LYRM2: variants seen among roughly 807,000 people sequenced by gnomAD.
LYRM2 encodes the protein LYR motif containing 2.
A neutral mutation model predicts 11.6 loss-of-function variants in LYRM2; 8 were observed. The ratio of observed to expected loss-of-function variants is 0.69; its 90% CI spans 0.40 to 1.24. LYRM2 has a LOEUF of 1.24. LYRM2 is among the 50% of genes most tolerant of loss of function. The pLI is 0.01. For synonymous variants in LYRM2, 30 were observed against 36.4 expected, an observed-to-expected ratio of 0.83 and a Z score of 0.63; for missense variants, 117 against 102.9, an observed-to-expected ratio of 1.14 and a Z score of -0.59.
Position 89,633,482 on chromosome 6 carries a change from T to C in LYRM2, c.*3791A>G, listed in dbSNP as rs1807804659. The C allele has an allele frequency of 6.6e-6, 1 of 152,238 alleles. No individual in the cohort carries two copies. The highest frequency in any genetic ancestry group is 2.4e-5 in the African/African-American group (1 of 41,448). 9.4% of individuals were successfully genotyped at this position (152,238 alleles called of 1,614,324 possible). ...ACTATTGACAACTTATAGCCTGTCA[T>C]GCAGGTCATGTTTCAAATCAAGGCT... On this transcript the variant is annotated 3_prime_UTR_variant, in exon 3 of 3. Coordinates refer to ENST00000523377, the MANE Select transcript of LYRM2 (RefSeq NM_020466.5).
chr6:89,638,348 A>C, intron 1 of LYRM2: 1 of 1,247,556 alleles, frequency 8.0e-7, no homozygotes. Flanking sequence ...ACAGTTGTTC[A>C]AATCTTTGGT....
chr6:89,638,030 GC>G, intron 1 of LYRM2, 148 bp from the exon 2 acceptor site: 1 of 888,406 alleles, frequency 1.1e-6, no homozygotes, highest in Non-Finnish European at 1.7e-6. Context: ...TCTTTTTTTG[GC>G]CAGATGCAGT....
chr6:89,636,680 G>GCTTTTTTTTTTTTTT lies in LYRM2; in HGVS notation c.*592_*593insAAAAAAAAAAAAAAG, dbSNP rs1275271207. Reference sequence around the variant, plus strand: ...TCTAGTGAATGTGAATCTCAGGGTTGTTTTTTTTTTTTTTTTTTAGAGACT... The same window carrying GCTTTTTTTTTTTTTT: ...TCTAGTGAATGTGAATCTCAGGGTTGCTTTTTTTTTTTTTTTTTTTTTTTTTTTTTTTTAGAGACT... On this transcript the variant is annotated 3_prime_UTR_variant, in exon 3 of 3. Transcript: ENST00000523377. 4.6e-5 allele frequency: 6 copies of GCTTTTTTTTTTTTTT among 129,504 alleles called. 1 individual carries two copies. The highest frequency in any genetic ancestry group is 3.3e-5 in the Non-Finnish European group (2 of 60,946). 8.0% of individuals were successfully genotyped at this position (129,504 alleles called of 1,614,324 possible).
chr6:89,632,731 A>G lies in LYRM2; in HGVS notation c.*4542T>C, dbSNP rs1807654739. 6.6e-6 allele frequency: 1 copy of G among 152,214 alleles called. No individual in the cohort carries two copies. The highest frequency in any genetic ancestry group is 1.5e-5 in the Non-Finnish European group (1 of 68,036). 9.4% of individuals were successfully genotyped at this position (152,214 alleles called of 1,614,324 possible). A position where few individuals can be genotyped will look rare whatever the true frequency, so the allele number is the denominator to read the frequency against. On this transcript the variant is annotated 3_prime_UTR_variant, in exon 3 of 3. Coordinates refer to ENST00000523377, the MANE Select transcript of LYRM2 (RefSeq NM_020466.5). ...CCCCAGAGACTCATTAGATTGCAATATAGAGGCACTTTCTCATTTCCCTAT... is the reference window on the plus strand; with the variant it reads ...CCCCAGAGACTCATTAGATTGCAATGTAGAGGCACTTTCTCATTTCCCTAT...
At chr6:89,638,499 C>T (rs747933248) in intron 1 of LYRM2, 173 bp downstream of exon 1, 6 of 1,523,656 alleles carry the variant, frequency 3.9e-6, no homozygotes, top group Admixed American at 2.1e-5. Context: ...GCAGCCAGTG[C>T]CTCCCGTCAG....
chr6:89,636,005 TCTATCAAA>T lies in LYRM2; in HGVS notation c.*1260_*1267del, dbSNP rs1294219059. On this transcript the variant is annotated 3_prime_UTR_variant, in exon 3 of 3. Coordinates refer to ENST00000523377, the MANE Select transcript of LYRM2 (RefSeq NM_020466.5). ...CAGTGGTGATCTTTTTGATGAGTTCTCTATCAAACTATGACACATCTGAAGAACGTACC... is the reference window on the plus strand; with the variant it reads ...CAGTGGTGATCTTTTTGATGAGTTCTCTATGACACATCTGAAGAACGTACC... 5.8e-6 allele frequency: 1 copy of T among 173,272 alleles called. No individual in the cohort carries two copies. Among genetic ancestry groups the T allele is most frequent in the Non-Finnish European group, 1.3e-5 (1 of 77,794 alleles). 10.7% of individuals were successfully genotyped at this position (173,272 alleles called of 1,614,324 possible). A position where few individuals can be genotyped will look rare whatever the true frequency, so the allele number is the denominator to read the frequency against.
At position 89,634,799 on chromosome 6, in the gene LYRM2, T is replaced by A. The variant is rs1464393860; in HGVS notation, c.*2474A>T. On this transcript the variant is annotated 3_prime_UTR_variant, in exon 3 of 3. Transcript: ENST00000523377. ...CTTCTAACTTGATGGCACTTTTTTA[T>A]TTTTTTTGAGACAAGAGTCTCACTC... 1.3e-5 allele frequency: 2 copies of A among 152,004 alleles called. No homozygotes were observed. The highest frequency in any genetic ancestry group is 2.4e-5 in the African/African-American group (1 of 41,398). The allele number at this position is 152,004 out of a possible 1,614,324, so 9.4% of individuals were successfully genotyped here.
In LYRM2 at chr6:89,632,366, GA is replaced by G. The variant is rs1807572773; in HGVS notation, c.*4906del. The G allele has an allele frequency of 2.6e-5, 1 of 38,602 alleles. No individual in the cohort carries two copies. Among genetic ancestry groups the G allele is most frequent in the Non-Finnish European group, 5.3e-5 (1 of 18,884 alleles). The allele number at this position is 38,602 out of a possible 1,614,324, so 2.4% of individuals were successfully genotyped here. ...TCCATAGATATAGACATTCCTAAAA[GA>G]AAAATAATTCAGTAGATATATGTCA... On this transcript the variant is annotated 3_prime_UTR_variant, in exon 3 of 3. Transcript: ENST00000523377.
At chr6:89,637,604 C>T (rs1170190469) in intron 2 of LYRM2, 138 bp downstream of exon 2, 7 of 771,184 alleles carry the variant, frequency 9.1e-6, no homozygotes, top group Non-Finnish European at 1.4e-5. Context: ...AATTTAAAAT[C>T]GGTAACATTA....
At chr6:89,638,193 G>T in intron 1 of LYRM2, 1 of 780,708 alleles carries the variant, frequency 1.3e-6, no homozygotes, top group Non-Finnish European at 1.7e-6. Context: ...TTTAAAGAAA[G>T]CATCACGAGG....
rs1488680296 is a variant in LYRM2, at chr6:89,637,208, A to G, written c.*65T>C. On this transcript the variant is annotated 3_prime_UTR_variant, in exon 3 of 3. Transcript: ENST00000523377. ...AGTAAGACTGGGCTTTGTGTTGTCC[A>G]TTGTTAATCCTAAATGCAACAAAAC... The G allele has an allele frequency of 1.1e-5, 9 of 796,438 alleles. 1 individual carries two copies. Among genetic ancestry groups the G allele is most frequent in the East Asian group, 2.6e-5 (1 of 38,408 alleles). The allele number at this position is 796,438 out of a possible 1,614,324, so 49.3% of individuals were successfully genotyped here.
chr6:89,637,407 G>A, intron 2 of LYRM2, 54 bp from the exon 3 acceptor site: 2 of 1,138,182 alleles, frequency 1.8e-6, no homozygotes, highest in Non-Finnish European at 2.6e-6. Context: ...ACAAGGTATA[G>A]CTATACCATT....
At position 89,634,517 on chromosome 6, in the gene LYRM2, CA is replaced by C. The variant is rs1376227032; in HGVS notation, c.*2755del. Reference sequence around the variant, plus strand: ...GCCCAGGAGTTTGAGACTAGCCTGGCAACAAAGTGAGATTCCCCCTCCTCTC... The same window carrying C: ...GCCCAGGAGTTTGAGACTAGCCTGGCACAAAGTGAGATTCCCCCTCCTCTC... On this transcript the variant is annotated 3_prime_UTR_variant, in exon 3 of 3. Transcript: ENST00000523377. 1 of 151,502 alleles carries C rather than the reference CA, an allele frequency of 6.6e-6. No homozygotes were observed. The highest frequency in any genetic ancestry group is 1.5e-5 in the Non-Finnish European group (1 of 67,920). The allele number at this position is 151,502 out of a possible 1,614,324, so 9.4% of individuals were successfully genotyped here.
rs561940221 is a variant in LYRM2, at chr6:89,637,210, T to G, written c.*63A>C. ...TAAGACTGGGCTTTGTGTTGTCCAT[T>G]GTTAATCCTAAATGCAACAAAACAC... On this transcript the variant is annotated 3_prime_UTR_variant, in exon 3 of 3. Transcript: ENST00000523377. 44 of 814,274 alleles carry G rather than the reference T, an allele frequency of 5.4e-5. No individual in the cohort carries two copies. The East Asian group carries it at 1.1e-3, about 20-fold the overall frequency. 50.4% of individuals were successfully genotyped at this position (814,274 alleles called of 1,614,324 possible). A position where few individuals can be genotyped will look rare whatever the true frequency, so the allele number is the denominator to read the frequency against.
rs1425322700 is a variant in LYRM2 at position 89,634,424 on chromosome 6, T to A, written c.*2849A>T. 2.6e-5 allele frequency: 4 copies of A among 151,498 alleles called. No homozygotes were observed. Among genetic ancestry groups the A allele is most frequent in the Non-Finnish European group, 5.9e-5 (4 of 67,888 alleles). 9.4% of individuals were successfully genotyped at this position (151,498 alleles called of 1,614,324 possible). ...GACAGAATGAGGTAAGACTGTCTCT[T>A]TAAAAAAAAAAACAACTCACACCTG... is the stretch of plus-strand genomic sequence containing the variant. On this transcript the variant is annotated 3_prime_UTR_variant, in exon 3 of 3. Transcript: ENST00000523377.
At position 89,636,470 on chromosome 6, in the gene LYRM2, G is replaced by A. The variant is rs1474806436; in HGVS notation, c.*803C>T. 1 of 152,070 alleles carries A rather than the reference G, an allele frequency of 6.6e-6. No individual in the cohort carries two copies. The highest frequency in any genetic ancestry group is 1.5e-5 in the Non-Finnish European group (1 of 68,016). The allele number at this position is 152,070 out of a possible 1,614,324, so 9.4% of individuals were successfully genotyped here. On this transcript the variant is annotated 3_prime_UTR_variant, in exon 3 of 3. Coordinates refer to ENST00000523377, the MANE Select transcript of LYRM2 (RefSeq NM_020466.5). ...TCGTTTCTTTTTAGTGCCAAATAAT[G>A]GCTATGGGCATGGGGTAGAAGTGCT...
chr6:89,637,494 C>A (rs1171433191), intron 2 of LYRM2, 141 bp from the exon 3 acceptor site: 1 of 648,284 alleles, frequency 1.5e-6, no homozygotes, highest in African/African-American at 1.8e-5. Context: ...GTTCCACATA[C>A]ATACATATAA....
Position 89,634,474 on chromosome 6 carries a change from G to A in LYRM2, c.*2799C>T, listed in dbSNP as rs1339556751. On this transcript the variant is annotated 3_prime_UTR_variant, in exon 3 of 3. Coordinates refer to ENST00000523377, the MANE Select transcript of LYRM2 (RefSeq NM_020466.5). ...GTAATCCTAGCACTCTGGCCACCGA[G>A]GCAGGTGGATTGCTTGAGCCCAGGA... The A allele has an allele frequency of 1.3e-5, 2 of 150,970 alleles. No individual in the cohort carries two copies. Among genetic ancestry groups the A allele is most frequent in the Non-Finnish European group, 2.9e-5 (2 of 67,894 alleles). The allele number at this position is 150,970 out of a possible 1,614,324, so 9.4% of individuals were successfully genotyped here.
chr6:89,637,641 C>G (rs1457946675), intron 2 of LYRM2, 101 bp downstream of exon 2: 14 of 1,103,490 alleles, frequency 1.3e-5, no homozygotes, highest in Non-Finnish European at 1.9e-5. Flanking sequence ...TATACCAGCT[C>G]AGTGGCACTA....
Sources: gnomAD v4.1 joint callset for allele counts on GRCh38, gnomAD v4.1.1 for gene constraint, MANE v1.5 for transcripts, NCBI Gene and HGNC (gene_info 2026-07-23, HGNC 2026-07-21) for gene names.